The following SCN11A variants were observed in gnomAD, a reference collection of about 807,000 sequenced individuals.
The protein encoded by SCN11A is sodium voltage-gated channel alpha subunit 11.
Under a neutral mutation model 162.2 loss-of-function variants are expected in SCN11A, and 122 were observed. The ratio of observed to expected loss-of-function variants is 0.75; its 90% CI spans 0.65 to 0.87. The LOEUF is 0.87. SCN11A is among the 40% of genes least tolerant of loss of function. SCN11A has a pLI of 0.00. For missense variants in SCN11A, 2,015 were observed against 2,181.6 expected (o/e 0.92, Z 1.52); for synonymous variants, 758 against 751.5 (o/e 1.01, Z -0.14).
intron 11 of SCN11A, among the ~76,000 whole-genome samples, chr3:38,912,229 C>T (rs2065896538): frequency 6.6e-6 from 1 of 152,006 alleles, no homozygotes; most frequent in Admixed American, 6.6e-5. Context: ...AAATATAAGC[C>T]TGTTTTGTTC....
intron 1 of SCN11A, among the ~76,000 whole-genome samples, chr3:39,042,147 T>C (rs531128721): frequency 6.6e-6 from 1 of 152,208 alleles, no homozygotes; most frequent in Admixed American, 6.5e-5. Context: ...TAGGCGCCTG[T>C]AGTCCCAGGT....
At position 38,847,040 on chromosome 3, in the gene SCN11A, T is replaced by C; in HGVS notation, c.5030A>G (p.Glu1677Gly). 6.2e-7 allele frequency: 1 copy of C among 1,614,050 alleles called. No individual in the cohort carries two copies. Among genetic ancestry groups the C allele is most frequent in the Middle Eastern group, 1.6e-4 (1 of 6,062 alleles). Reference sequence around the variant, plus strand: ...AATATCCATGCAGTGGAGGCGATCTTCACTCACCATGGGCAAGTCCATTAC... The same window carrying C: ...AATATCCATGCAGTGGAGGCGATCTCCACTCACCATGGGCAAGTCCATTAC... The part of the protein sequence containing the change: ...FLVMDLPMVS[E>G]DRLHCMDILF... The change falls in exon 30 of 30, where the codon GAA becomes GGA. Residue 1677 changes from glutamate to glycine, a missense_variant. Coordinates refer to ENST00000302328, the MANE Select transcript of SCN11A (RefSeq NM_001349253.2).
At chr3:38,937,940 T>C (rs1330311564) in intron 7 of SCN11A, among the ~76,000 whole-genome samples, 14 of 152,140 alleles carry the variant, frequency 9.2e-5, no homozygotes, top group Non-Finnish European at 2.1e-4. Context: ...CGTATGTTTA[T>C]TGCGGCACTA....
chr3:38,909,691 T>C (rs1272526260), intron 12 of SCN11A, among the ~76,000 whole-genome samples: 1 of 151,474 alleles, frequency 6.6e-6, no homozygotes, highest in Non-Finnish European at 1.5e-5. Flanking sequence ...CAAGTGATTC[T>C]CCTGCCTCAT....
chr3:39,048,418 C>T (rs1164415811), intron 1 of SCN11A, among the ~76,000 whole-genome samples: 3 of 152,130 alleles, frequency 2.0e-5, no homozygotes, highest in Non-Finnish European at 4.4e-5. Flanking sequence ...TATAAAATTA[C>T]AGCTAGGTAG....
chr3:38,865,010 A>C (rs1326630926), intron 27 of SCN11A, among the ~76,000 whole-genome samples: 2 of 152,138 alleles, frequency 1.3e-5, no homozygotes, highest in Non-Finnish European at 2.9e-5. Context: ...GTACTAATGG[A>C]ATTGTGGTTA....
chr3:38,870,572 A>T lies in SCN11A; in HGVS notation c.3813+119T>A, dbSNP rs2065109093. 3 of 776,830 alleles carry T rather than the reference A, an allele frequency of 3.9e-6. No individual in the cohort carries two copies. The Admixed American group carries it at 6.8e-5, about 18-fold the overall frequency. 48.1% of individuals were successfully genotyped at this position (776,830 alleles called of 1,614,324 possible). On this transcript the variant is annotated intron_variant, in intron 26 of 29. Coordinates refer to ENST00000302328, the MANE Select transcript of SCN11A (RefSeq NM_001349253.2). ...TATCTCATAGTGTTTTGTTCCAAAG[A>T]AAACAAGGCAGAGAACCCCAGCTGC... is the stretch of plus-strand genomic sequence containing the variant.
intron 5 of SCN11A, 27 bp downstream of exon 5, chr3:38,950,069 A>AACCCCCCCCCCC: frequency 1.5e-5 from 1 of 65,030 alleles, no homozygotes; most frequent in Admixed American, 1.9e-4. Flanking sequence ...CCCCACCCCC[A>AACCCCCCCCCCC]CCCCCCCCCC....
intron 2 of SCN11A, among the ~76,000 whole-genome samples, chr3:39,012,289 C>T (rs1381099926): frequency 6.6e-6 from 1 of 152,070 alleles, no homozygotes; most frequent in African/African-American, 2.4e-5. Context: ...TACGCCATTG[C>T]ACTCCAGCCT....
chr3:38,868,315 T>C (rs1334898469), intron 26 of SCN11A, among the ~76,000 whole-genome samples: 1 of 152,252 alleles, frequency 6.6e-6, no homozygotes, highest in African/African-American at 2.4e-5. Flanking sequence ...ATTATTTCTC[T>C]CTTTTGCTAT....
intron 19 of SCN11A, among the ~76,000 whole-genome samples, chr3:38,890,717 G>A (rs1245857666): frequency 6.6e-6 from 1 of 152,228 alleles, no homozygotes; most frequent in Non-Finnish European, 1.5e-5. Context: ...CAGCTTAACA[G>A]AGAGATCACA....
At chr3:38,911,716 T>C (rs976691307) in intron 11 of SCN11A, among the ~76,000 whole-genome samples, 2 of 152,218 alleles carry the variant, frequency 1.3e-5, no homozygotes, top group South Asian at 2.1e-4. Context: ...TTTCGTCAAC[T>C]TTATCTTTTA....
intron 7 of SCN11A, among the ~76,000 whole-genome samples, chr3:38,944,798 T>TA (rs1179130341): frequency 6.6e-6 from 1 of 151,700 alleles, no homozygotes; most frequent in Non-Finnish European, 1.5e-5. Context: ...CTGTCTCTAC[T>TA]AAAAATACAA....
At chr3:38,929,118 A>C (rs2066192626) in intron 7 of SCN11A, among the ~76,000 whole-genome samples, 1 of 111,750 alleles carries the variant, frequency 8.9e-6, no homozygotes, top group Non-Finnish European at 1.8e-5. Context: ...ACTGTCAAAA[A>C]TACTGGGTCT....
Position 38,905,283 on chromosome 3 carries a change from A to G in SCN11A, c.1512T>C (p.Asn504=). The G allele has an allele frequency of 6.2e-7, 1 of 1,614,028 alleles. No individual in the cohort carries two copies. Among genetic ancestry groups the G allele is most frequent in the Non-Finnish European group, 8.5e-7 (1 of 1,179,946 alleles). ...LLEQTKRLSQ[N]LSLDHFDEHG... ...GCTCATCAAAGTGGTCCAGTGATAG[A>G]TTCTGGGACAGTCGTTTGGTTTGCT... Residue 504 remains asparagine (N), a synonymous_variant, in exon 15 of 30, where the codon AAT becomes AAC. Coordinates refer to ENST00000302328, the MANE Select transcript of SCN11A (RefSeq NM_001349253.2).
intron 11 of SCN11A, among the ~76,000 whole-genome samples, chr3:38,919,530 A>C (rs1363628916): frequency 6.6e-6 from 1 of 152,238 alleles, no homozygotes; most frequent in Non-Finnish European, 1.5e-5. Context: ...AATTTGAGGC[A>C]ATAGTTGTCA....
chr3:38,846,424 A>T lies in SCN11A; in HGVS notation c.*270T>A. The T allele has an allele frequency of 2.4e-6, 1 of 414,744 alleles. No individual in the cohort carries two copies. The highest frequency in any genetic ancestry group is 4.4e-6 in the Non-Finnish European group (1 of 228,696). 25.7% of individuals were successfully genotyped at this position (414,744 alleles called of 1,614,324 possible). On this transcript the variant is annotated 3_prime_UTR_variant, in exon 30 of 30. Coordinates refer to ENST00000302328, the MANE Select transcript of SCN11A (RefSeq NM_001349253.2). ...ACTGCGCCCGGCCTGAACTATTTCAATCCTAAAATTGGTATGTCCTTTTAC... is the reference window on the plus strand; with the variant it reads ...ACTGCGCCCGGCCTGAACTATTTCATTCCTAAAATTGGTATGTCCTTTTAC...
chr3:39,021,268 C>A (rs2031443657), intron 2 of SCN11A, among the ~76,000 whole-genome samples: 1 of 152,004 alleles, frequency 6.6e-6, no homozygotes, highest in African/African-American at 2.4e-5. Flanking sequence ...TTGGTGAAGT[C>A]TCTAGGTAGA....
At chr3:39,007,929 G>A (rs1283738745) in intron 2 of SCN11A, among the ~76,000 whole-genome samples, 1 of 152,158 alleles carries the variant, frequency 6.6e-6, no homozygotes, top group African/African-American at 2.4e-5. Flanking sequence ...GAAATTGGGG[G>A]CAGTCTTATG....
Sources: allele counts gnomAD v4.1 joint callset (sites outside exome capture counted in the v4.1 genomes callset), GRCh38; gene constraint gnomAD v4.1.1; transcripts MANE v1.5; gene names NCBI Gene and HGNC (gene_info 2026-07-23, HGNC 2026-07-21).